LAMA3: variants seen among roughly 807,000 people sequenced by gnomAD.
LAMA3 encodes laminin subunit alpha-3.
A neutral mutation model predicts 402.0 loss-of-function variants in LAMA3; 281 were observed. The observed-to-expected ratio is 0.70, with a 90% CI of 0.63 to 0.77. The LOEUF is 0.77. Among genes scored for constraint, LAMA3 ranks in the 30% least tolerant of loss-of-function variants. The pLI, the probability that LAMA3 is intolerant of heterozygous loss-of-function variation, is 0.00. For synonymous variants in LAMA3, 1,431 were observed against 1,558.4 expected (o/e 0.92, Z 1.93); for missense variants, 3,840 against 4,215.5 (o/e 0.91, Z 2.47).
At chr18:23,857,720 A>G (rs984416058) in intron 32 of LAMA3, 124 bp from the exon 33 acceptor site, 3 of 1,212,868 alleles carry the variant, frequency 2.5e-6, no homozygotes, top group African/African-American at 3.0e-5. Context: ...GCCTTGGACT[A>G]TAAGCAGGCA....
At chr18:23,776,242 A>G (rs2062316350) in intron 10 of LAMA3, among the ~76,000 whole-genome samples, 1 of 152,174 alleles carries the variant, frequency 6.6e-6, no homozygotes, top group African/African-American at 2.4e-5. Context: ...GAGAAATATC[A>G]TGGGCTTCCA....
chr18:23,732,862 G>T (rs2061416256), intron 2 of LAMA3, among the ~76,000 whole-genome samples: 1 of 152,088 alleles, frequency 6.6e-6, no homozygotes, highest in Non-Finnish European at 1.5e-5. Flanking sequence ...GTAAGCATTA[G>T]TACCTGGCAC....
intron 12 of LAMA3, among the ~76,000 whole-genome samples, chr18:23,795,843 G>T (rs757222403): frequency 6.6e-6 from 1 of 152,000 alleles, no homozygotes; most frequent in Non-Finnish European, 1.5e-5. Flanking sequence ...ACTGAATTGT[G>T]TCCCTAAAAA....
intron 60 of LAMA3, among the ~76,000 whole-genome samples, chr18:23,919,327 C>G (rs1161355556): frequency 2.6e-5 from 4 of 152,166 alleles, no homozygotes; most frequent in Non-Finnish European, 5.9e-5. Context: ...CCTTCAAGCC[C>G]TAAGTCAGAA....
chr18:23,796,545 G>A, intron 12 of LAMA3, among the ~76,000 whole-genome samples: 1 of 152,174 alleles, frequency 6.6e-6, no homozygotes, highest in Non-Finnish European at 1.5e-5. Context: ...AACCCTGTGA[G>A]GTCTAACTGT....
chr18:23,893,208 G>A (rs1392371259), intron 42 of LAMA3, among the ~76,000 whole-genome samples: 1 of 152,154 alleles, frequency 6.6e-6, no homozygotes. Flanking sequence ...CCAGGAAAAT[G>A]TTAAGCATAG....
At position 23,883,922 on chromosome 18, in the gene LAMA3, TCTAA is replaced by T. The variant is rs2064984377; in HGVS notation, c.5223-848_5223-845del. ...GCAATATTAATAGTGCTGACCAATG[TCTAA>T]CTGTCTTTTGAGAGGCTTCCTAAAC... On this transcript the variant is annotated intron_variant, in intron 40 of 74. Transcript: ENST00000313654. 6.6e-5 allele frequency among the ~76,000 whole-genome samples: 10 copies of T among 152,298 alleles called. No individual in the cohort carries two copies. The South Asian group carries it at 2.1e-3, about 32-fold the overall frequency.
intron 64 of LAMA3, 77 bp downstream of exon 64, chr18:23,928,842 T>C: frequency 1.5e-6 from 2 of 1,347,120 alleles, no homozygotes; most frequent in Non-Finnish European, 2.1e-6. Context: ...CAGAGAGATT[T>C]AGAAAGTGGT....
intron 25 of LAMA3, chr18:23,837,444 C>T (rs1228978764): frequency 4.5e-6 from 1 of 221,812 alleles, no homozygotes; most frequent in Non-Finnish European, 9.0e-6. Flanking sequence ...ATTTTCTTTT[C>T]CATCTTACTA....
chr18:23,815,058 A>G, intron 15 of LAMA3, 130 bp from the exon 16 acceptor site: 1 of 793,926 alleles, frequency 1.3e-6, no homozygotes, highest in East Asian at 2.6e-5. Flanking sequence ...AGCGATGCAA[A>G]CTCTCATTCT....
At chr18:23,781,235 C>T (rs888158106) in intron 11 of LAMA3, 11 of 444,942 alleles carry the variant, frequency 2.5e-5, no homozygotes, top group African/African-American at 8.1e-5. Flanking sequence ...CTGTGACATT[C>T]GTTCTCAGCC....
intron 5 of LAMA3, among the ~76,000 whole-genome samples, chr18:23,752,227 G>A (rs2143589418): frequency 6.6e-6 from 1 of 152,146 alleles, no homozygotes; most frequent in South Asian, 2.1e-4. Context: ...ACAAGGGAGG[G>A]CTGGACTTTC....
rs201655902 is a variant in LAMA3 at position 23,916,648 on chromosome 18, A to G, written c.7876A>G (p.Ile2626Val). 121 of 1,614,182 alleles carry G rather than the reference A, an allele frequency of 7.5e-5. No individual in the cohort carries two copies. In the East Asian group the frequency reaches 2.3e-3, roughly 31 times the overall value. The part of the protein sequence containing the change: ...HAPIPTFGQT[I>V]QTTVDRGLLF... Reference sequence around the variant, plus strand: ...TCCCATCCCAACCTTTGGACAGACAATTCAGACCACCGTGGATAGAGGCTT... The same window carrying G: ...TCCCATCCCAACCTTTGGACAGACAGTTCAGACCACCGTGGATAGAGGCTT... The change falls in exon 60 of 75, where the codon ATT (isoleucine) becomes GTT (valine). Residue 2626 changes from isoleucine (I) to valine (V), a missense_variant. Coordinates refer to ENST00000313654, the MANE Select transcript of LAMA3 (RefSeq NM_198129.4).
chr18:23,931,765 A>C (rs898383179), intron 65 of LAMA3: 4 of 256,662 alleles, frequency 1.6e-5, no homozygotes, highest in East Asian at 1.0e-4. Context: ...AGAGGGAGGG[A>C]GGCTATAGGG....
chr18:23,836,307 A>G lies in LAMA3; in HGVS notation c.2985-674A>G, dbSNP rs2063580638. On this transcript the variant is annotated intron_variant, in intron 24 of 74. Transcript: ENST00000313654. ...TCAGAAATAGTCCTTTTGTTTTAAT[A>G]TAACAGTAGTTTCAAATTATATTTA... Among the ~76,000 whole-genome samples the G allele has an allele frequency of 2.0e-5, 3 of 152,268 alleles. No homozygotes were observed. The South Asian group carries it at 6.2e-4, about 31-fold the overall frequency.
At chr18:23,931,423 G>T in intron 65 of LAMA3, 1 of 527,938 alleles carries the variant, frequency 1.9e-6, no homozygotes, top group Non-Finnish European at 3.4e-6. Flanking sequence ...TAAGAAGGCT[G>T]AGGCAAGAGG....
intron 12 of LAMA3, among the ~76,000 whole-genome samples, chr18:23,797,866 A>G (rs746325138): frequency 2.6e-5 from 4 of 152,076 alleles, no homozygotes; most frequent in African/African-American, 4.8e-5. Flanking sequence ...TTTCATTTTG[A>G]CTTTGACTCA....
At chr18:23,853,833 G>A (rs1034369841) in intron 32 of LAMA3, among the ~76,000 whole-genome samples, 4 of 152,194 alleles carry the variant, frequency 2.6e-5, no homozygotes, top group African/African-American at 9.7e-5. Flanking sequence ...GCCGACATGA[G>A]GTCATTTTAA....
chr18:23,946,173 G>A lies in LAMA3; in HGVS notation c.9240G>A (p.Gly3080=), dbSNP rs757045131. The stretch of plus-strand genomic sequence containing the variant: ...TGTTTGGCCATGATGGGGAAAAGGG[G>A]CGCTTGGTTGTGGATGGACTGAGGG... ...TVVFGHDGEK[G]RLVVDGLRAR... is the part of the protein sequence containing the mutation. The change falls in exon 70 of 75, where the codon GGG becomes GGA. Residue 3080 remains glycine, a synonymous_variant. Coordinates refer to ENST00000313654, the MANE Select transcript of LAMA3 (RefSeq NM_198129.4). 1.2e-6 allele frequency: 2 copies of A among 1,613,998 alleles called. No homozygotes were observed. Among genetic ancestry groups the A allele is most frequent in the Non-Finnish European group, 1.7e-6 (2 of 1,179,958 alleles).
Sources: gnomAD v4.1 joint callset for allele counts (sites outside exome capture counted in the v4.1 genomes callset) on GRCh38, gnomAD v4.1.1 for gene constraint, MANE v1.5 for transcripts, NCBI Gene and HGNC (gene_info 2026-07-23, HGNC 2026-07-21) for gene names.